Variants in C6orf89 observed in about 807,000 individuals in gnomAD.
C6orf89 encodes the protein bombesin receptor-activated protein C6orf89.
Under a neutral mutation model 40.7 loss-of-function variants are expected in C6orf89, and 29 were observed. The observed-to-expected ratio is 0.71, with a 90% CI of 0.53 to 0.97. The LOEUF is 0.97. Ranked by LOEUF, C6orf89 falls within the 50% of genes least tolerant of loss-of-function variation. C6orf89 has a pLI of 0.00. For synonymous variants in C6orf89, 165 were observed against 152.2 expected (o/e 1.08, Z -0.62); for missense variants, 392 against 429.1 (o/e 0.91, Z 0.76).
chr6:36,890,599 T>A (rs1761168861), intron 1 of C6orf89, among the ~76,000 whole-genome samples: 1 of 152,216 alleles, frequency 6.6e-6, no homozygotes, highest in Non-Finnish European at 1.5e-5. Flanking sequence ...CATGATGTGA[T>A]CTCTGCTCAC....
At chr6:36,884,506 ATC>A (rs1292072543), upstream of C6orf89, among the ~76,000 whole-genome samples, 1 of 152,228 alleles carries the variant, frequency 6.6e-6, no homozygotes, top group Non-Finnish European at 1.5e-5. The surrounding 1 kb of genome is among the most constrained non-coding windows in gnomAD (Gnocchi z 4.0). Context: ...GCATGCAGCC[ATC>A]TCTACAACGT....
At chr6:36,882,054 C>CAA (rs149465808), upstream of C6orf89, among the ~76,000 whole-genome samples, 2 of 149,672 alleles carry the variant, frequency 1.3e-5, no homozygotes, top group East Asian at 3.9e-4. Context: ...AAATAAACAA[C>CAA]AAAAAAAAAT....
At chr6:36,911,416 G>A (rs1054306954) in intron 4 of C6orf89, among the ~76,000 whole-genome samples, 29 of 152,182 alleles carry the variant, frequency 1.9e-4, no homozygotes, top group African/African-American at 6.7e-4. Context: ...CTTGACCCCA[G>A]GAGGCGGAGG....
Position 36,919,626 on chromosome 6 carries a change from T to G in C6orf89, c.874T>G (p.Leu292Val). ...LFIIGSGEAM[L>V]QLIPPFQCRR... ...TATCATTGGCAGCGGTGAGGCCATGTTGCAGCTCATCCCTCCCTTCCAGTG... is the reference window on the plus strand; with the variant it reads ...TATCATTGGCAGCGGTGAGGCCATGGTGCAGCTCATCCCTCCCTTCCAGTG... Residue 292 changes from leucine (L) to valine (V), a missense_variant, in exon 8 of 9, where the codon TTG (leucine) becomes GTG (valine). Leu to Val is a conservative substitution (Grantham distance 32, BLOSUM62 1). Coordinates refer to ENST00000480824, the MANE Select transcript of C6orf89 (RefSeq NM_001286635.2). 2 of 1,614,172 alleles carry G rather than the reference T, an allele frequency of 1.2e-6. No individual in the cohort carries two copies. The highest frequency in any genetic ancestry group is 2.7e-5 in the African/African-American group (2 of 75,062).
chr6:36,882,887 G>A (rs111821450), upstream of C6orf89, among the ~76,000 whole-genome samples: 28,943 of 150,796 alleles, frequency 0.19, 3,454 homozygotes, highest in East Asian at 0.34. Context: ...ACAGGCGCCC[G>A]CCACCGCGCC....
chr6:36,876,616 T>C (rs1203273819), intron 1 of C6orf89, among the ~76,000 whole-genome samples: 1 of 151,558 alleles, frequency 6.6e-6, no homozygotes, highest in East Asian at 1.9e-4. Context: ...CCCTGCTACT[T>C]CGGAGGCTGA....
In C6orf89 at chr6:36,902,306, C is replaced by A. The variant is rs765622585; in HGVS notation, c.275C>A (p.Ser92Tyr). ...FSPLAPEPVL[S>Y]GAHTWRSLIH... is the part of the protein sequence containing the mutation. ...CCATTAGCACCTGAGCCAGTGCTTT[C>A]TGGAGCTCACACCTGGCGCTCACTC... is the stretch of plus-strand genomic sequence containing the variant. The change falls in exon 4 of 9, where the codon TCT (serine) becomes TAT (tyrosine). Residue 92 changes from serine to tyrosine, a missense_variant. By Grantham distance (144) the Ser-to-Tyr change is moderately radical (BLOSUM62 -2). Coordinates refer to ENST00000480824, the MANE Select transcript of C6orf89 (RefSeq NM_001286635.2). 4 of 1,614,190 alleles carry A rather than the reference C, an allele frequency of 2.5e-6. No homozygotes were observed. The highest frequency in any genetic ancestry group is 3.4e-6 in the Non-Finnish European group (4 of 1,180,032).
At chr6:36,897,787 G>GC (rs1761495207) in intron 2 of C6orf89, among the ~76,000 whole-genome samples, 1 of 152,202 alleles carries the variant, frequency 6.6e-6, no homozygotes, top group African/African-American at 2.4e-5. Context: ...GTGTGCTGGC[G>GC]TGCGCTGGGT....
chr6:36,914,568 G>T lies in C6orf89; in HGVS notation c.570G>T (p.Leu190=). Residue 190 remains leucine (L), a synonymous_variant, in exon 6 of 9, where the codon CTG becomes CTT. Transcript: ENST00000480824. ...GCCTTGCCAAGACGGGAAAGCCCCTGTTGGAGGAAGAGATTCAGCATTTTT... is the reference window on the plus strand; with the variant it reads ...GCCTTGCCAAGACGGGAAAGCCCCTTTTGGAGGAAGAGATTCAGCATTTTT... ...HPLVIKTGKP[L]LEEEIQHFLC... 1 of 1,614,202 alleles carries T rather than the reference G, an allele frequency of 6.2e-7. No homozygotes were observed. Among genetic ancestry groups the T allele is most frequent in the Non-Finnish European group, 8.5e-7 (1 of 1,179,990 alleles).
rs1268652518 is a variant in C6orf89 at position 36,926,358 on chromosome 6, C to G, written c.*2917C>G. 6.6e-6 allele frequency: 1 copy of G among 151,968 alleles called. No homozygotes were observed. The highest frequency in any genetic ancestry group is 1.5e-5 in the Non-Finnish European group (1 of 68,008). 9.4% of individuals were successfully genotyped at this position (151,968 alleles called of 1,614,324 possible). ...GACCAGCCTGGCCAACAGGGTGAAA[C>G]CCCATCTCTACTAAAAATACAAAAA... On this transcript the variant is annotated 3_prime_UTR_variant, in exon 9 of 9. Transcript: ENST00000480824.
intron 1 of C6orf89, among the ~76,000 whole-genome samples, chr6:36,889,977 T>C (rs998230118): frequency 5.3e-5 from 8 of 152,174 alleles, no homozygotes; most frequent in Non-Finnish European, 1.2e-4. Context: ...GATATCCAGG[T>C]GTTCATTGTA....
chr6:36,905,414 G>T (rs561510061), intron 4 of C6orf89, among the ~76,000 whole-genome samples: 1 of 152,304 alleles, frequency 6.6e-6, no homozygotes, highest in East Asian at 1.9e-4. Flanking sequence ...CGGATCATCA[G>T]TTACTTTCTC....
chr6:36,906,116 T>G (rs566316747), intron 4 of C6orf89, among the ~76,000 whole-genome samples: 1 of 152,230 alleles, frequency 6.6e-6, no homozygotes, highest in Non-Finnish European at 1.5e-5. Context: ...CATTTGGAAC[T>G]CGATGCATCC....
Position 36,923,502 on chromosome 6 carries a change from A to T in C6orf89, c.*61A>T. On this transcript the variant is annotated 3_prime_UTR_variant, in exon 9 of 9. Transcript: ENST00000480824. The stretch of plus-strand genomic sequence containing the variant: ...CGAAAACCAGGTTGAAAGGGGAAAA[A>T]TAAAAACAAAAACGATGAAACTGCT... 7.4e-7 allele frequency: 1 copy of T among 1,346,224 alleles called. No individual in the cohort carries two copies. Among genetic ancestry groups the T allele is most frequent in the Non-Finnish European group, 1.1e-6 (1 of 940,330 alleles). 83.4% of individuals were successfully genotyped at this position (1,346,224 alleles called of 1,614,324 possible).
At chr6:36,881,119 T>C (rs13206310), upstream of C6orf89, among the ~76,000 whole-genome samples, 11,162 of 152,276 alleles carry the variant, frequency 0.073, 419 homozygotes, top group South Asian at 0.099. Context: ...GCTCCACACC[T>C]AGTACATAAT....
chr6:36,916,157 A>T (rs975440386), intron 6 of C6orf89, among the ~76,000 whole-genome samples: 2 of 152,126 alleles, frequency 1.3e-5, no homozygotes, highest in Non-Finnish European at 2.9e-5. Context: ...AGATAGAATG[A>T]ATAGATTATT....
rs376855660 is a variant in C6orf89 at position 36,914,454 on chromosome 6, C to G, written c.555+19C>G. On this transcript the variant is annotated intron_variant, in intron 5 of 8. Coordinates refer to ENST00000480824, the MANE Select transcript of C6orf89 (RefSeq NM_001286635.2). ...GATCAAGGTGAGCAGAAGCCTGAGT[C>G]TCCCGCTGATTGGCTGCTTGCTTAA... 472 of 1,613,702 alleles carry G rather than the reference C, an allele frequency of 2.9e-4. 1 individual carries two copies. The highest frequency in any genetic ancestry group is 3.7e-4 in the Non-Finnish European group (440 of 1,179,774).
At chr6:36,873,880 A>C (rs1384148451) in intron 1 of C6orf89, among the ~76,000 whole-genome samples, 2 of 152,230 alleles carry the variant, frequency 1.3e-5, no homozygotes, top group East Asian at 3.8e-4. Context: ...TGTCAGGATT[A>C]ATACGTTTTT....
At chr6:36,913,636 C>T (rs1426491241) in intron 4 of C6orf89, among the ~76,000 whole-genome samples, 1 of 152,234 alleles carries the variant, frequency 6.6e-6, no homozygotes, top group Non-Finnish European at 1.5e-5. Context: ...GGGGGAACTA[C>T]ATCTTTAGCT....
Sources: allele counts gnomAD v4.1 joint callset (sites outside exome capture counted in the v4.1 genomes callset), GRCh38; gene constraint gnomAD v4.1.1; non-coding constraint Gnocchi (gnomAD v3.1); transcripts MANE v1.5; gene names NCBI Gene and HGNC (gene_info 2026-07-23, HGNC 2026-07-21).